Variants in CACNA2D3 observed in about 807,000 individuals in gnomAD.
CACNA2D3 encodes the protein voltage-dependent calcium channel subunit alpha-2/delta-3.
Under a neutral mutation model 160.6 loss-of-function variants are expected in CACNA2D3, and 60 were observed. That is an observed-to-expected ratio of 0.37 (90% CI 0.30 to 0.46). The LOEUF (loss-of-function observed/expected upper bound fraction) is 0.46. Among genes scored for constraint, CACNA2D3 ranks in the 20% least tolerant of loss-of-function variants. The probability of loss-of-function intolerance (pLI) is 1.00; values close to 1 mark genes in which losing one functional copy is unlikely to be tolerated. For synonymous variants in CACNA2D3, 558 were observed against 492.9 expected (o/e 1.13, Z -1.75); for missense variants, 1,205 against 1,365.0 (o/e 0.88, Z 1.85).
At chr3:54,215,749 G>C (rs1701449794) in intron 2 of CACNA2D3, among the ~76,000 whole-genome samples, 1 of 152,168 alleles carries the variant, frequency 6.6e-6, no homozygotes, top group African/African-American at 2.4e-5. Flanking sequence ...GTGCCCCTAG[G>C]TGTGAAATTT....
intron 17 of CACNA2D3, among the ~76,000 whole-genome samples, chr3:54,846,745 A>AT (rs1698940251): frequency 6.6e-6 from 1 of 152,120 alleles, no homozygotes; most frequent in African/African-American, 2.4e-5. Context: ...CATATGGAAA[A>AT]TTTTTTTAAC....
chr3:54,124,102 A>G (rs907446044), intron 2 of CACNA2D3, among the ~76,000 whole-genome samples: 1 of 152,222 alleles, frequency 6.6e-6, no homozygotes, highest in South Asian at 2.1e-4. Flanking sequence ...GATGCATTAC[A>G]TCATTGCAGA....
chr3:54,270,923 G>A (rs1044693294), intron 2 of CACNA2D3, among the ~76,000 whole-genome samples: 30 of 152,114 alleles, frequency 2.0e-4, no homozygotes, highest in African/African-American at 6.8e-4. Context: ...TTTGTCACCC[G>A]TTGGAGGAAG....
intron 3 of CACNA2D3, among the ~76,000 whole-genome samples, chr3:54,329,294 C>G (rs1329875256): frequency 6.6e-6 from 1 of 152,166 alleles, no homozygotes; most frequent in Non-Finnish European, 1.5e-5. Context: ...GTGCTTCAAA[C>G]TATAGTTAAG....
chr3:54,468,948 C>G (rs1352090260), intron 4 of CACNA2D3, among the ~76,000 whole-genome samples: 2 of 152,172 alleles, frequency 1.3e-5, no homozygotes, highest in Admixed American at 6.5e-5. Flanking sequence ...AGATCAAACT[C>G]CCATCTCCCT....
intron 4 of CACNA2D3, among the ~76,000 whole-genome samples, chr3:54,421,441 A>G (rs1293142752): frequency 2.0e-5 from 3 of 151,872 alleles, no homozygotes; most frequent in East Asian, 1.9e-4. Context: ...CCTTTTTTCT[A>G]TTATCTTTCA....
chr3:54,859,331 C>T (rs558566643), intron 17 of CACNA2D3, among the ~76,000 whole-genome samples: 79 of 152,302 alleles, frequency 5.2e-4, no homozygotes, highest in African/African-American at 1.6e-3. Flanking sequence ...GTGCTCCAAC[C>T]GTGACACACT....
chr3:54,484,664 G>A (rs1181158200), intron 4 of CACNA2D3, among the ~76,000 whole-genome samples: 2 of 151,986 alleles, frequency 1.3e-5, no homozygotes, highest in African/African-American at 2.4e-5. Flanking sequence ...CACATATTCT[G>A]TGTCTATCTT....
chr3:54,891,837 G>C (rs1559619355), intron 25 of CACNA2D3, among the ~76,000 whole-genome samples: 1 of 152,216 alleles, frequency 6.6e-6, no homozygotes, highest in Admixed American at 6.5e-5. Context: ...AGGAATTCCT[G>C]CCTGTACAAA....
intron 9 of CACNA2D3, among the ~76,000 whole-genome samples, chr3:54,595,155 G>A (rs188098294): frequency 6.6e-6 from 1 of 152,274 alleles, no homozygotes; most frequent in East Asian, 1.9e-4. Flanking sequence ...TTAGTAGAAA[G>A]GGCACAACTG....
At chr3:54,993,828 A>G (rs1575426355) in intron 31 of CACNA2D3, among the ~76,000 whole-genome samples, 1 of 131,388 alleles carries the variant, frequency 7.6e-6, no homozygotes, top group Non-Finnish European at 1.6e-5. Context: ...TTTCATGGCC[A>G]TTGTCTTATC....
At chr3:54,736,083 G>GTATATATACATACATATA (rs1265902604) in intron 11 of CACNA2D3, among the ~76,000 whole-genome samples, 2 of 34,238 alleles carry the variant, frequency 5.8e-5, no homozygotes, top group Admixed American at 6.8e-4. Flanking sequence ...ACATATATAT[G>GTATATATACATACATATA]TATGTGTATA....
chr3:54,692,117 G>T (rs560701451), intron 11 of CACNA2D3, among the ~76,000 whole-genome samples: 2 of 152,252 alleles, frequency 1.3e-5, no homozygotes, highest in African/African-American at 4.8e-5. Flanking sequence ...GGGACTACAG[G>T]CATGCGCCAC....
chr3:54,741,099 G>A (rs1051191214), intron 11 of CACNA2D3, among the ~76,000 whole-genome samples: 8 of 152,102 alleles, frequency 5.3e-5, no homozygotes, highest in African/African-American at 1.7e-4. Context: ...GGGTCTCACT[G>A]ATCCAGAGGC....
rs192663583 is a variant in CACNA2D3 at position 54,462,720 on chromosome 3, T to G, written c.382-40772T>G. Among the ~76,000 whole-genome samples, 827 of 152,348 alleles carry G rather than the reference T, an allele frequency of 5.4e-3. 31 individuals carry two copies. Among genetic ancestry groups the G allele is most frequent in the Admixed American group, 0.047 (719 of 15,302 alleles). On this transcript the variant is annotated intron_variant, in intron 4 of 37. Coordinates refer to ENST00000474759, the MANE Select transcript of CACNA2D3 (RefSeq NM_018398.3). Reference sequence around the variant, plus strand: ...ATACAGCACACTGATGGGTCTTGACTCTTTATCCAATTTGCCAGTCTGTGT... The same window carrying G: ...ATACAGCACACTGATGGGTCTTGACGCTTTATCCAATTTGCCAGTCTGTGT...
At chr3:54,420,982 C>A (rs930594279) in intron 4 of CACNA2D3, among the ~76,000 whole-genome samples, 1 of 152,104 alleles carries the variant, frequency 6.6e-6, no homozygotes, top group Non-Finnish European at 1.5e-5. Context: ...GTCAGGTAGG[C>A]GGCTTTTCTG....
intron 2 of CACNA2D3, among the ~76,000 whole-genome samples, chr3:54,180,343 G>C (rs538016532): frequency 1.1e-4 from 16 of 152,128 alleles, no homozygotes; most frequent in Non-Finnish European, 2.1e-4. Context: ...GCATGACCTT[G>C]CTTTGTCCTC....
At chr3:54,511,221 C>A (rs1230764536) in intron 5 of CACNA2D3, among the ~76,000 whole-genome samples, 1 of 152,218 alleles carries the variant, frequency 6.6e-6, no homozygotes, top group Non-Finnish European at 1.5e-5. Flanking sequence ...CCAGAAACAT[C>A]CTCTGCCCCC....
At chr3:54,459,930 A>T (rs1333127541) in intron 4 of CACNA2D3, among the ~76,000 whole-genome samples, 2 of 152,170 alleles carry the variant, frequency 1.3e-5, no homozygotes, top group Non-Finnish European at 2.9e-5. Flanking sequence ...TCTTTAATCC[A>T]TCTTGAATTA....
Sources: gnomAD v4.1 joint callset for allele counts (sites outside exome capture counted in the v4.1 genomes callset) on GRCh38, gnomAD v4.1.1 for gene constraint, MANE v1.5 for transcripts, NCBI Gene and HGNC (gene_info 2026-07-23, HGNC 2026-07-21) for gene names.